The following DAPK1 variants were observed in gnomAD, a reference collection of about 807,000 sequenced individuals.
DAPK1 encodes the protein death associated protein kinase 1, also known as death-associated protein kinase 1.
DAPK1 carries 56 observed loss-of-function variants against 144.9 expected under a neutral mutation model. The observed-to-expected ratio is 0.39, with a 90% CI of 0.31 to 0.48. The LOEUF is 0.48. DAPK1 is among the 20% of genes least tolerant of loss of function. DAPK1 has a pLI of 0.95. For missense variants in DAPK1, 1,454 were observed against 1,875.4 expected, an observed-to-expected ratio of 0.78 and a Z score of 4.15; for synonymous variants, 690 against 749.0, an observed-to-expected ratio of 0.92 and a Z score of 1.29.
chr9:87,518,114 TTTTTTTTTTTTTTC>T (rs1825144793), intron 2 of DAPK1, among the ~76,000 whole-genome samples: 2 of 143,454 alleles, frequency 1.4e-5, no homozygotes, highest in African/African-American at 5.3e-5. Flanking sequence ...TGTTTTTTTT[TTTTTTTTTTTTTTC>T]TGAGATGGAG....
chr9:87,599,708 CA>C (rs1464891319), intron 2 of DAPK1, among the ~76,000 whole-genome samples: 2 of 152,094 alleles, frequency 1.3e-5, no homozygotes, highest in South Asian at 2.1e-4. Flanking sequence ...AATTTTAGTG[CA>C]TTTTTTGGGG....
chr9:87,632,122 G>GTA (rs934792982), intron 3 of DAPK1: 40 of 630,152 alleles, frequency 6.3e-5, no homozygotes, highest in Admixed American at 3.2e-4. Flanking sequence ...ATGTGTGTGT[G>GTA]TATATATATA....
intron 2 of DAPK1, among the ~76,000 whole-genome samples, chr9:87,568,511 T>G (rs1036819372): frequency 6.6e-6 from 1 of 152,200 alleles, no homozygotes; most frequent in African/African-American, 2.4e-5. Flanking sequence ...GGAGATGTTT[T>G]TTCATGGAGT....
At chr9:87,539,546 C>CAGCCTCCCAAGT (rs61469157) in intron 2 of DAPK1, among the ~76,000 whole-genome samples, 104,964 of 150,276 alleles carry the variant, frequency 0.7, 37,637 homozygotes, top group Non-Finnish European at 0.79. Flanking sequence ...TCTCCTGCCT[C>CAGCCTCCCAAGT]AGCTGGGATT....
At chr9:87,655,810 G>A (rs555727237) in intron 17 of DAPK1, among the ~76,000 whole-genome samples, 12 of 152,284 alleles carry the variant, frequency 7.9e-5, no homozygotes, top group Admixed American at 3.3e-4. Flanking sequence ...TCTTTAAGTC[G>A]GTGCTTCCCA....
At chr9:87,674,193 T>C (rs1824276552) in intron 19 of DAPK1, among the ~76,000 whole-genome samples, 1 of 152,142 alleles carries the variant, frequency 6.6e-6, no homozygotes, top group Non-Finnish European at 1.5e-5. Context: ...AATCAGATTT[T>C]CCGTAAGCCT....
At chr9:87,625,057 A>AT (rs1428890631) in intron 3 of DAPK1, among the ~76,000 whole-genome samples, 1 of 152,246 alleles carries the variant, frequency 6.6e-6, no homozygotes, top group African/African-American at 2.4e-5. Flanking sequence ...ATGTTTTTAC[A>AT]TTTTCAAATG....
chr9:87,690,080 T>C (rs747208950), intron 21 of DAPK1, among the ~76,000 whole-genome samples: 7 of 152,218 alleles, frequency 4.6e-5, no homozygotes, highest in Admixed American at 6.5e-5. Context: ...ATTGAATCTG[T>C]AGATTGCCTT....
In DAPK1 at chr9:87,594,970, G is replaced by A. The variant is rs1828264663; in HGVS notation, c.63-9984G>A. Reference sequence around the variant, plus strand: ...CTGGGCACCTCCCACCTCCACCTCTGTGCTTGGTTCTTCCAGACCATGAAG... The same window carrying A: ...CTGGGCACCTCCCACCTCCACCTCTATGCTTGGTTCTTCCAGACCATGAAG... On this transcript the variant is annotated intron_variant, in intron 2 of 25. Transcript: ENST00000408954. 1.3e-5 allele frequency among the ~76,000 whole-genome samples: 2 copies of A among 152,196 alleles called. 1 individual carries two copies. The highest frequency in any genetic ancestry group is 4.1e-4 in the South Asian group (2 of 4,830).
intron 18 of DAPK1, among the ~76,000 whole-genome samples, chr9:87,665,748 T>C (rs1831027112): frequency 1.3e-5 from 2 of 152,212 alleles, no homozygotes; most frequent in Non-Finnish European, 2.9e-5. Context: ...TCTTTCTATG[T>C]CATGGGGCCA....
At chr9:87,590,489 G>T (rs547373004) in intron 2 of DAPK1, among the ~76,000 whole-genome samples, 6 of 151,512 alleles carry the variant, frequency 4.0e-5, no homozygotes, top group Non-Finnish European at 1.5e-5. Context: ...ACCCTTTTCC[G>T]TCCATCTTTC....
chr9:87,694,208 G>A (rs1028949786), intron 21 of DAPK1, among the ~76,000 whole-genome samples: 1 of 152,202 alleles, frequency 6.6e-6, no homozygotes, highest in African/African-American at 2.4e-5. Context: ...GGCAGTGGCT[G>A]CAATGGGCTA....
At chr9:87,594,352 G>A (rs1828242535) in intron 2 of DAPK1, among the ~76,000 whole-genome samples, 1 of 152,156 alleles carries the variant, frequency 6.6e-6, no homozygotes, top group South Asian at 2.1e-4. Context: ...AGTGGGTGCA[G>A]TTCACGTATC....
chr9:87,507,655 T>C (rs1237592230), intron 2 of DAPK1, among the ~76,000 whole-genome samples: 1 of 152,252 alleles, frequency 6.6e-6, no homozygotes, highest in East Asian at 1.9e-4. Context: ...ATTTTTTTTT[T>C]CCCTTTATAA....
chr9:87,558,405 G>C (rs1028585320), intron 2 of DAPK1, among the ~76,000 whole-genome samples: 7 of 152,168 alleles, frequency 4.6e-5, no homozygotes, highest in Non-Finnish European at 8.8e-5. Context: ...AGATGAAAAA[G>C]AATGAAGGGA....
At chr9:87,524,617 A>G (rs537160768) in intron 2 of DAPK1, among the ~76,000 whole-genome samples, 74 of 152,318 alleles carry the variant, frequency 4.9e-4, no homozygotes, top group Non-Finnish European at 9.0e-4. Context: ...ACAATTCGCA[A>G]TTGCAAAAAT....
intron 2 of DAPK1, among the ~76,000 whole-genome samples, chr9:87,549,759 A>G (rs1006252325): frequency 2.0e-5 from 3 of 152,212 alleles, no homozygotes; most frequent in African/African-American, 4.8e-5. Context: ...AAAAGAAACC[A>G]TGATCAGTGT....
chr9:87,549,110 G>A (rs1284486055), intron 2 of DAPK1, among the ~76,000 whole-genome samples: 1 of 151,802 alleles, frequency 6.6e-6, no homozygotes, highest in African/African-American at 2.4e-5. Context: ...TCCCCCACAG[G>A]CTTCAGTGTG....
At chr9:87,585,437 C>G (rs908773181) in intron 2 of DAPK1, among the ~76,000 whole-genome samples, 46 of 152,342 alleles carry the variant, frequency 3.0e-4, no homozygotes, top group African/African-American at 1.1e-3. Flanking sequence ...GTACTCCAAA[C>G]AGCAGAATAT....
Sources: gnomAD v4.1 joint callset for allele counts (sites outside exome capture counted in the v4.1 genomes callset) on GRCh38, gnomAD v4.1.1 for gene constraint, MANE v1.5 for transcripts, NCBI Gene and HGNC (gene_info 2026-07-23, HGNC 2026-07-21) for gene names.